The following DIPK2B variants were observed in gnomAD, a reference collection of about 807,000 sequenced individuals.
DIPK2B encodes the protein divergent protein kinase domain 2B, also known as UPF0672 protein CXorf36.
In DIPK2B, 15 loss-of-function variants were observed where a neutral mutation model predicts 22.2. That is an observed-to-expected ratio of 0.68 (90% confidence interval 0.45 to 1.04). The LOEUF (loss-of-function observed/expected upper bound fraction) is 1.04. DIPK2B is among the 50% of genes least tolerant of loss of function. The pLI is 0.00. For missense variants in DIPK2B, 345 were observed against 348.3 expected, an observed-to-expected ratio of 0.99 and a Z score of 0.08; for synonymous variants, 163 against 153.2, an observed-to-expected ratio of 1.06 and a Z score of -0.47.
At chrX:45,189,859 TA>T (rs1309474335) in intron 2 of DIPK2B, among the ~76,000 whole-genome samples, 2 of 111,654 alleles carry the variant, frequency 1.8e-5, no homozygotes, top group East Asian at 2.8e-4. Flanking sequence ...TTTCCTTTTT[TA>T]TAAGGAAGGG....
chrX:45,180,050 A>T (rs2148345037), intron 2 of DIPK2B, among the ~76,000 whole-genome samples: 1 of 111,285 alleles, frequency 9.0e-6, no homozygotes, highest in African/African-American at 3.3e-5. Flanking sequence ...CCCACAGCTC[A>T]TCTTTTTCCT....
chrX:45,164,117 T>C (rs1236974266), intron 2 of DIPK2B: 6 of 1,093,371 alleles, frequency 5.5e-6, no homozygotes, highest in African/African-American at 1.9e-5. Context: ...GAAAATGTGG[T>C]TGGTATAACA....
chrX:45,188,030 C>G (rs4073128), intron 2 of DIPK2B, among the ~76,000 whole-genome samples: 21,677 of 110,935 alleles, frequency 0.2, 2,204 homozygotes, highest in Non-Finnish European at 0.31. Flanking sequence ...TAGGCTGAGC[C>G]GACACTGGGC....
At chrX:45,171,056 C>T (rs948548872) in intron 2 of DIPK2B, among the ~76,000 whole-genome samples, 4 of 111,551 alleles carry the variant, frequency 3.6e-5, no homozygotes, top group Non-Finnish European at 3.8e-5. Flanking sequence ...TCTTCTGGGG[C>T]GTTGAACCTG....
intron 2 of DIPK2B, chrX:45,163,274 G>T: frequency 2.3e-6 from 1 of 429,640 alleles, no homozygotes; most frequent in Non-Finnish European, 2.9e-6. Flanking sequence ...TATGGATTTT[G>T]GACTTGCCAA....
At chrX:45,187,466 G>GCA (rs1234834634) in intron 2 of DIPK2B, among the ~76,000 whole-genome samples, 2 of 57,134 alleles carry the variant, frequency 3.5e-5, no homozygotes, top group African/African-American at 1.1e-4. Context: ...GGGCGCGCGC[G>GCA]CGCACACACA....
At chrX:45,181,248 C>T (rs1179881172) in intron 2 of DIPK2B, among the ~76,000 whole-genome samples, 1 of 111,689 alleles carries the variant, frequency 9.0e-6, no homozygotes, top group Non-Finnish European at 1.9e-5. Context: ...GAAATAAAGA[C>T]CTAGTCCATG....
intron 2 of DIPK2B, among the ~76,000 whole-genome samples, chrX:45,182,710 C>T (rs2047161848): frequency 8.8e-6 from 1 of 113,260 alleles, no homozygotes; most frequent in East Asian, 2.7e-4. Context: ...AAAAGAACAC[C>T]AACCACGGAT....
At chrX:45,183,630 C>CT (rs372662124) in intron 2 of DIPK2B, among the ~76,000 whole-genome samples, 234 of 111,374 alleles carry the variant, frequency 2.1e-3, no homozygotes, top group African/African-American at 7.1e-3. Flanking sequence ...AGACTAACAA[C>CT]TTTTTTTTCT....
chrX:45,189,023 G>A (rs956065660), intron 2 of DIPK2B, among the ~76,000 whole-genome samples: 1 of 111,547 alleles, frequency 9.0e-6, no homozygotes, highest in Admixed American at 9.5e-5. Context: ...CTACCTTTTG[G>A]CTATTATGAA....
chrX:45,158,159 G>T (rs1463764871), intron 2 of DIPK2B, among the ~76,000 whole-genome samples: 1 of 106,623 alleles, frequency 9.4e-6, no homozygotes, highest in Non-Finnish European at 1.9e-5. Context: ...GGGGTGGGAG[G>T]CCCCCTCCCC....
At chrX:45,162,496 T>C in intron 2 of DIPK2B, 2 of 754,179 alleles carry the variant, frequency 2.7e-6, no homozygotes, top group Non-Finnish European at 3.1e-6. Flanking sequence ...GTGAGACCTT[T>C]GTCTACTTCT....
At chrX:45,153,133 T>A (rs2046970166) in intron 4 of DIPK2B, among the ~76,000 whole-genome samples, 2 of 111,784 alleles carry the variant, frequency 1.8e-5, no homozygotes, top group Non-Finnish European at 3.8e-5. Flanking sequence ...GTGGTTTAAT[T>A]TGTCTATTTT....
At chrX:45,187,153 C>A (rs2047187573) in intron 2 of DIPK2B, among the ~76,000 whole-genome samples, 1 of 111,905 alleles carries the variant, frequency 8.9e-6, no homozygotes, top group African/African-American at 3.3e-5. Context: ...CTGCTTAGAA[C>A]AATGTCAGAT....
chrX:45,166,893 T>A (rs887168884), intron 2 of DIPK2B, among the ~76,000 whole-genome samples: 1 of 112,032 alleles, frequency 8.9e-6, no homozygotes, highest in African/African-American at 3.2e-5. Flanking sequence ...TTACTTTGAG[T>A]GGACTTATTG....
At chrX:45,181,125 T>A (rs1322560750) in intron 2 of DIPK2B, among the ~76,000 whole-genome samples, 1 of 111,746 alleles carries the variant, frequency 8.9e-6, no homozygotes, top group East Asian at 2.8e-4. Context: ...CCTAACAATA[T>A]CATTTACAGT....
At chrX:45,173,641 G>A (rs1229629117) in intron 2 of DIPK2B, among the ~76,000 whole-genome samples, 3 of 99,240 alleles carry the variant, frequency 3.0e-5, no homozygotes, top group African/African-American at 3.8e-5. Flanking sequence ...ATCTTGTCAC[G>A]TGGGCTGGAG....
In DIPK2B at chrX:45,151,457, G is replaced by C; in HGVS notation, c.*195C>G. 1 of 449,389 alleles carries C rather than the reference G, an allele frequency of 2.2e-6. No homozygotes were observed. Among genetic ancestry groups the C allele is most frequent in the South Asian group, 3.6e-5 (1 of 28,030 alleles). The allele number at this position is 449,389 out of a possible 1,213,427, so 37.0% of individuals were successfully genotyped here. ...ACCCAGGTCTTCTGATGCCCACCGC[G>C]GGCTTTGCCAGGACGTCCCAGCCAG... On this transcript the variant is annotated 3_prime_UTR_variant, in exon 5 of 5. Coordinates refer to ENST00000398000, the MANE Select transcript of DIPK2B (RefSeq NM_176819.4).
intron 2 of DIPK2B, chrX:45,164,120 G>A: frequency 8.8e-7 from 1 of 1,130,508 alleles, no homozygotes. Context: ...AATGTGGTTG[G>A]TATAACACAG....
Sources: allele counts gnomAD v4.1 joint callset (sites outside exome capture counted in the v4.1 genomes callset), GRCh38; gene constraint gnomAD v4.1.1; transcripts MANE v1.5; gene names NCBI Gene and HGNC (gene_info 2026-07-23, HGNC 2026-07-21).